The following DNM3 variants were observed in gnomAD, a reference collection of about 807,000 sequenced individuals.
The protein encoded by DNM3 is dynamin-3.
DNM3 carries 47 observed loss-of-function variants against 101.6 expected under a neutral mutation model. That is an observed-to-expected ratio of 0.46 (90% CI 0.37 to 0.59). The LOEUF (loss-of-function observed/expected upper bound fraction) is 0.59. Ranked by LOEUF, DNM3 falls within the 20% of genes least tolerant of loss-of-function variation. The pLI, the probability that DNM3 is intolerant of heterozygous loss-of-function variation, is 0.00. For synonymous variants in DNM3, 385 were observed against 387.9 expected (o/e 0.99, Z 0.09); for missense variants, 849 against 1,085.7 (o/e 0.78, Z 3.06).
At chr1:171,927,330 C>T (rs1330901168) in intron 2 of DNM3, among the ~76,000 whole-genome samples, 1 of 152,132 alleles carries the variant, frequency 6.6e-6, no homozygotes, top group Non-Finnish European at 1.5e-5. Context: ...CAGATTATTT[C>T]ATCATCCAGG....
At chr1:171,947,298 T>C (rs2042230256) in intron 2 of DNM3, among the ~76,000 whole-genome samples, 2 of 152,160 alleles carry the variant, frequency 1.3e-5, no homozygotes, top group Non-Finnish European at 2.9e-5. Context: ...TCTCTAGCCT[T>C]ATCACTAGTT....
intron 15 of DNM3, among the ~76,000 whole-genome samples, chr1:172,261,361 T>G (rs1230725898): frequency 1.3e-5 from 2 of 152,058 alleles, no homozygotes; most frequent in Non-Finnish European, 2.9e-5. Flanking sequence ...TGGTGTAGTC[T>G]CTGTATGACT....
intron 12 of DNM3, among the ~76,000 whole-genome samples, chr1:172,082,921 G>A (rs149617883): frequency 2.0e-4 from 31 of 152,282 alleles, no homozygotes; most frequent in African/African-American, 5.8e-4. Context: ...ATCCAATGAC[G>A]ATTACTAGTG....
At chr1:172,156,828 G>T (rs2058357478) in intron 14 of DNM3, among the ~76,000 whole-genome samples, 1 of 152,006 alleles carries the variant, frequency 6.6e-6, no homozygotes, top group South Asian at 2.1e-4. Context: ...AAAAGACATT[G>T]TCCTTTTAAG....
At chr1:172,317,988 A>G (rs1477738001) in intron 16 of DNM3, among the ~76,000 whole-genome samples, 1 of 152,238 alleles carries the variant, frequency 6.6e-6, no homozygotes, top group Non-Finnish European at 1.5e-5. Context: ...AAAATCCTCA[A>G]TAAAATACTG....
chr1:171,842,051 C>T (rs958053570), intron 1 of DNM3, among the ~76,000 whole-genome samples: 1 of 152,160 alleles, frequency 6.6e-6, no homozygotes, highest in Admixed American at 6.5e-5. Context: ...CTCCTGCCTG[C>T]CTTTCATCGT....
intron 17 of DNM3, among the ~76,000 whole-genome samples, chr1:172,351,426 A>G (rs1357855038): frequency 6.6e-6 from 1 of 152,154 alleles, no homozygotes; most frequent in Non-Finnish European, 1.5e-5. Context: ...CTTTTTTAGC[A>G]ATAAGAATTT....
intron 4 of DNM3, among the ~76,000 whole-genome samples, chr1:172,014,637 T>C (rs1274380826): frequency 6.6e-6 from 1 of 152,206 alleles, no homozygotes; most frequent in Non-Finnish European, 1.5e-5. Context: ...ATTTTTTAAT[T>C]GAGTTGTTTC....
At chr1:171,885,857 G>T (rs1571416432) in intron 1 of DNM3, among the ~76,000 whole-genome samples, 1 of 152,188 alleles carries the variant, frequency 6.6e-6, no homozygotes, top group Non-Finnish European at 1.5e-5. Context: ...TTTGCACAGT[G>T]AGGGTTAGGG....
intron 4 of DNM3, among the ~76,000 whole-genome samples, chr1:172,002,976 T>G (rs10910891): frequency 0.31 from 47,346 of 151,868 alleles, 10,879 homozygotes; most frequent in African/African-American, 0.66. Flanking sequence ...AGTTAAAAAT[T>G]TCCCTGATGC....
intron 17 of DNM3, among the ~76,000 whole-genome samples, chr1:172,356,614 G>A (rs988247168): frequency 6.6e-6 from 1 of 151,870 alleles, no homozygotes; most frequent in Non-Finnish European, 1.5e-5. Context: ...CCTAAGCAAG[G>A]ATTTCCAATT....
rs1434887734 is a variant in DNM3, at chr1:172,275,771, T to C, written c.1769+22089T>C. On this transcript the variant is annotated intron_variant, in intron 15 of 20. Coordinates refer to ENST00000627582, the MANE Select transcript of DNM3 (RefSeq NM_015569.5). ...TGAAAACATCTGAAATATAGTTCCG[T>C]AACATCATCTATTATTAAAAGATAA... 2.6e-5 allele frequency among the ~76,000 whole-genome samples: 4 copies of C among 152,238 alleles called. No individual in the cohort carries two copies. In the East Asian group the frequency reaches 5.8e-4, roughly 22 times the overall value.
At chr1:172,416,703 C>T (rs2071437701), downstream of DNM3, among the ~76,000 whole-genome samples, 1 of 152,174 alleles carries the variant, frequency 6.6e-6, no homozygotes. Flanking sequence ...TCTAAAGCCC[C>T]TTCAGAACTC....
In DNM3 at chr1:172,236,183, T is replaced by C. The variant is rs189523683; in HGVS notation, c.1660-17390T>C. On this transcript the variant is annotated intron_variant, in intron 14 of 20. Coordinates refer to ENST00000627582, the MANE Select transcript of DNM3 (RefSeq NM_015569.5). Reference sequence around the variant, plus strand: ...TCTCTGTCTCCTTCCTCCTCTACCATGTTAGTCTACTCTTTGGTTTTCCTG... The same window carrying C: ...TCTCTGTCTCCTTCCTCCTCTACCACGTTAGTCTACTCTTTGGTTTTCCTG... Among the ~76,000 whole-genome samples the C allele has an allele frequency of 4.2e-3, 633 of 152,264 alleles. 11 individuals carry two copies. The highest frequency in any genetic ancestry group is 0.014 in the African/African-American group (595 of 41,556).
intron 17 of DNM3, among the ~76,000 whole-genome samples, chr1:172,342,273 A>C (rs1472646713): frequency 1.3e-5 from 2 of 152,158 alleles, no homozygotes; most frequent in Non-Finnish European, 2.9e-5. Context: ...GCCCAAAGGA[A>C]TATAAATTGT....
chr1:172,317,985 T>G (rs1192328403), intron 16 of DNM3, among the ~76,000 whole-genome samples: 1 of 152,190 alleles, frequency 6.6e-6, no homozygotes, highest in African/African-American at 2.4e-5. Context: ...GCAAAAATCC[T>G]CAATAAAATA....
At chr1:172,346,248 T>A (rs559033323) in intron 17 of DNM3, among the ~76,000 whole-genome samples, 1 of 151,968 alleles carries the variant, frequency 6.6e-6, no homozygotes, top group African/African-American at 2.4e-5. Context: ...GAAAAGAGAA[T>A]GCATCCCAGA....
At chr1:172,336,700 T>TA (rs71717500) in intron 17 of DNM3, among the ~76,000 whole-genome samples, 3,050 of 138,568 alleles carry the variant, frequency 0.022, 64 homozygotes, top group African/African-American at 0.058. Context: ...TCTTTACCTT[T>TA]AAAAAAAAAA....
chr1:172,079,642 T>A (rs532878294), intron 11 of DNM3, among the ~76,000 whole-genome samples: 2 of 152,296 alleles, frequency 1.3e-5, no homozygotes, highest in African/African-American at 2.4e-5. Flanking sequence ...TACTCATTCT[T>A]TGTCCAATTT....
Sources: gnomAD v4.1 joint callset for allele counts (sites outside exome capture counted in the v4.1 genomes callset) on GRCh38, gnomAD v4.1.1 for gene constraint, MANE v1.5 for transcripts, NCBI Gene and HGNC (gene_info 2026-07-23, HGNC 2026-07-21) for gene names.